Variants in PLEKHA5 observed in about 807,000 individuals in gnomAD.
The protein encoded by PLEKHA5 is pleckstrin homology domain containing A5.
Under a neutral mutation model 181.9 loss-of-function variants are expected in PLEKHA5, and 55 were observed. That is an observed-to-expected ratio of 0.30 (90% CI 0.24 to 0.38). The LOEUF is 0.38. PLEKHA5 is among the 10% of genes least tolerant of loss of function. PLEKHA5 has a pLI of 1.00. For missense variants in PLEKHA5, 1,432 were observed against 1,549.5 expected, an observed-to-expected ratio of 0.92 and a Z score of 1.27; for synonymous variants, 535 against 529.4, an observed-to-expected ratio of 1.01 and a Z score of -0.15.
intron 20 of PLEKHA5, among the ~76,000 whole-genome samples, chr12:19,333,100 C>A (rs958527426): frequency 6.6e-6 from 1 of 152,178 alleles, no homozygotes; most frequent in African/African-American, 2.4e-5. Context: ...GCCTGACCAA[C>A]ATGGAGAAAC....
At chr12:19,143,831 A>G (rs1373399687) in intron 3 of PLEKHA5, among the ~76,000 whole-genome samples, 3 of 152,234 alleles carry the variant, frequency 2.0e-5, no homozygotes, top group Admixed American at 2.0e-4. Context: ...AATAACTATG[A>G]TGTTCTGTCT....
chr12:19,157,397 A>G (rs141447789), intron 3 of PLEKHA5, among the ~76,000 whole-genome samples: 69 of 152,282 alleles, frequency 4.5e-4, no homozygotes, highest in African/African-American at 1.6e-3. Flanking sequence ...TAATGCAACA[A>G]AATTTCTCTA....
intron 15 of PLEKHA5, chr12:19,307,179 AAT>A (rs2084213338): frequency 2.8e-6 from 2 of 707,652 alleles, no homozygotes; most frequent in Non-Finnish European, 2.5e-6. Context: ...CTAGTAAAGA[AAT>A]AGAGAAAGGG....
At chr12:19,369,092 T>C (rs2095510772) in intron 30 of PLEKHA5, among the ~76,000 whole-genome samples, 1 of 152,056 alleles carries the variant, frequency 6.6e-6, no homozygotes. Flanking sequence ...TAGAGTACAG[T>C]GGTACAATCT....
At chr12:19,170,500 C>T (rs956291046) in intron 3 of PLEKHA5, among the ~76,000 whole-genome samples, 1 of 151,810 alleles carries the variant, frequency 6.6e-6, no homozygotes, top group Non-Finnish European at 1.5e-5. Context: ...AATTTCCACT[C>T]CTGCAACCTC....
intron 2 of PLEKHA5, among the ~76,000 whole-genome samples, chr12:19,131,927 G>A (rs2034012625): frequency 6.6e-6 from 1 of 152,186 alleles, no homozygotes; most frequent in African/African-American, 2.4e-5. Context: ...TAATTAAGTA[G>A]TTAGGAAGTT....
chr12:19,231,875 A>C (rs1374935123), intron 3 of PLEKHA5, among the ~76,000 whole-genome samples: 2 of 152,112 alleles, frequency 1.3e-5, no homozygotes, highest in African/African-American at 4.8e-5. Flanking sequence ...GAAAATGTAA[A>C]GATTCCATTA....
intron 3 of PLEKHA5, among the ~76,000 whole-genome samples, chr12:19,161,305 C>A (rs568139413): frequency 6.6e-6 from 1 of 152,138 alleles, no homozygotes; most frequent in African/African-American, 2.4e-5. Context: ...CCCTTCCCCC[C>A]ACAGCTTATT....
intron 15 of PLEKHA5, among the ~76,000 whole-genome samples, chr12:19,303,165 A>T (rs368215147): frequency 6.6e-6 from 1 of 151,378 alleles, no homozygotes; most frequent in Non-Finnish European, 1.5e-5. Context: ...CAGGTGATCC[A>T]CCCACCTCAG....
intron 3 of PLEKHA5, among the ~76,000 whole-genome samples, chr12:19,213,211 C>CAAG (rs2057313494): frequency 6.6e-6 from 1 of 151,712 alleles, no homozygotes; most frequent in African/African-American, 2.4e-5. Flanking sequence ...TTCTTCTGCC[C>CAAG]AAGGATATGA....
intron 21 of PLEKHA5, among the ~76,000 whole-genome samples, chr12:19,342,443 G>A (rs750385041): frequency 6.6e-6 from 1 of 152,010 alleles, no homozygotes; most frequent in East Asian, 1.9e-4. Flanking sequence ...GATCACCTGA[G>A]GTCAGGAGTT....
intron 3 of PLEKHA5, chr12:19,150,864 A>C (rs1423837084): frequency 2.0e-5 from 3 of 152,216 alleles, no homozygotes; most frequent in Non-Finnish European, 4.4e-5. Context: ...GGTATGATAG[A>C]TTTGTTGAAA....
At chr12:19,322,932 T>C (rs1221741940) in intron 20 of PLEKHA5, among the ~76,000 whole-genome samples, 1 of 151,850 alleles carries the variant, frequency 6.6e-6, no homozygotes, top group Non-Finnish European at 1.5e-5. Context: ...AACTCACTTG[T>C]AGCCTGAATC....
At chr12:19,141,150 C>G (rs1444683056) in intron 3 of PLEKHA5, among the ~76,000 whole-genome samples, 1 of 152,008 alleles carries the variant, frequency 6.6e-6, no homozygotes. Context: ...CAAGGCTCTT[C>G]CTCACCTGCT....
chr12:19,244,676 A>G (rs1195975263), intron 3 of PLEKHA5, among the ~76,000 whole-genome samples: 1 of 152,236 alleles, frequency 6.6e-6, no homozygotes, highest in Non-Finnish European at 1.5e-5. Context: ...ATGGGTACAC[A>G]TGTGAGTTTA....
At chr12:19,366,896 T>A (rs1375717603) in intron 30 of PLEKHA5, among the ~76,000 whole-genome samples, 2 of 152,184 alleles carry the variant, frequency 1.3e-5, no homozygotes, top group East Asian at 3.8e-4. Context: ...TCTCTCATAT[T>A]TTTTGGACTC....
At position 19,130,683 on chromosome 12, in the gene PLEKHA5, A is replaced by AAGG. The variant is rs774581464; in HGVS notation, c.169+571_169+573dup. 6 of 152,354 alleles carry AAGG rather than the reference A, an allele frequency of 3.9e-5. No individual in the cohort carries two copies. Among genetic ancestry groups the AAGG allele is most frequent in the East Asian group, 1.9e-4 (1 of 5,148 alleles). 9.4% of individuals were successfully genotyped at this position (152,354 alleles called of 1,614,324 possible). On this transcript the variant is annotated intron_variant, in intron 2 of 31. Transcript: ENST00000429027. The surrounding 1 kb of genome is among the most constrained non-coding windows in gnomAD (Gnocchi z 4.5). ...GGGACTTGTGGGTAGGTGGCTGATG[A>AAGG]AGGAGGAGGAGGAGGAGGAGAGGAG...
At chr12:19,248,341 G>T (rs1302791725) in intron 3 of PLEKHA5, among the ~76,000 whole-genome samples, 5 of 152,112 alleles carry the variant, frequency 3.3e-5, no homozygotes, top group African/African-American at 1.2e-4. Flanking sequence ...GGGATTACAG[G>T]CGTGTGTCAC....
rs985085275 is a variant in PLEKHA5, at chr12:19,144,615, T to C, written c.227+12165T>C. Among the ~76,000 whole-genome samples, 5 of 152,294 alleles carry C rather than the reference T, an allele frequency of 3.3e-5. No individual in the cohort carries two copies. The South Asian group carries it at 6.2e-4, about 19-fold the overall frequency. ...ACGTAATGTAATGGACAGCCAGAGA[T>C]GATAAATAAGTTTCAGCCAGCATTG... On this transcript the variant is annotated intron_variant, in intron 3 of 31. Transcript: ENST00000429027.
Sources: allele counts gnomAD v4.1 joint callset (sites outside exome capture counted in the v4.1 genomes callset), GRCh38; gene constraint gnomAD v4.1.1; non-coding constraint Gnocchi (gnomAD v3.1); transcripts MANE v1.5; gene names NCBI Gene and HGNC (gene_info 2026-07-23, HGNC 2026-07-21).